Variants in EYS observed in about 807,000 individuals in gnomAD.
EYS encodes EGF-like photoreceptor maintenance factor, also known as protein eyes shut homolog.
A neutral mutation model predicts 282.1 loss-of-function variants in EYS; 250 were observed. The observed-to-expected ratio is 0.89, with a 90% CI of 0.80 to 0.98. The LOEUF is 0.98. Ranked by LOEUF, EYS falls within the 50% of genes least tolerant of loss-of-function variation. The pLI is 0.00. For synonymous variants in EYS, 1,355 were observed against 1,282.9 expected (o/e 1.06, Z -1.20); for missense variants, 4,016 against 3,709.0 (o/e 1.08, Z -2.15).
Position 63,931,349 on chromosome 6 carries a change from T to A in EYS, c.7055+53034A>T, listed in dbSNP as rs117700793. Among the ~76,000 whole-genome samples the A allele has an allele frequency of 1.7e-3, 259 of 152,336 alleles. 3 individuals are homozygous for A. In the East Asian group the frequency reaches 0.042, roughly 25 times the overall value. On this transcript the variant is annotated intron_variant, in intron 35 of 42. Transcript: ENST00000503581. The stretch of plus-strand genomic sequence containing the variant: ...CTCTGCATCATCCATCGTTGCTACC[T>A]ATAGCTTCTTCCTCAAGGTCCTTCC...
chr6:65,154,112 G>T (rs1439137036), intron 12 of EYS, among the ~76,000 whole-genome samples: 1 of 151,708 alleles, frequency 6.6e-6, no homozygotes, highest in Non-Finnish European at 1.5e-5. Flanking sequence ...GGAAAAGAGG[G>T]CTCAAGTCTT....
intron 12 of EYS, among the ~76,000 whole-genome samples, chr6:65,107,181 T>C (rs1276589684): frequency 1.3e-5 from 2 of 152,082 alleles, no homozygotes. Context: ...GGGAGTCTTT[T>C]TGGAGAAACA....
chr6:65,607,447 A>C (rs1336599764), intron 2 of EYS, among the ~76,000 whole-genome samples: 3 of 151,852 alleles, frequency 2.0e-5, no homozygotes, highest in African/African-American at 7.2e-5. Context: ...AATACAATTA[A>C]TAAGATTCCT....
At chr6:63,812,213 A>G (rs552509213) in intron 36 of EYS, among the ~76,000 whole-genome samples, 1 of 152,286 alleles carries the variant, frequency 6.6e-6, no homozygotes, top group East Asian at 1.9e-4. Flanking sequence ...TGCTGCAGCC[A>G]TGCTAACTTC....
chr6:65,192,183 A>G (rs1194443085), intron 12 of EYS, among the ~76,000 whole-genome samples: 1 of 151,792 alleles, frequency 6.6e-6, no homozygotes, highest in Middle Eastern at 3.2e-3. Context: ...ATTCTTAATC[A>G]TGATTTTTTA....
chr6:65,035,927 T>C (rs2150146391), intron 13 of EYS, among the ~76,000 whole-genome samples: 1 of 147,544 alleles, frequency 6.8e-6, no homozygotes, highest in East Asian at 2.0e-4. Flanking sequence ...TTATATATTA[T>C]ATATTACATA....
chr6:65,533,113 C>A (rs968672974), intron 2 of EYS, among the ~76,000 whole-genome samples: 2 of 151,712 alleles, frequency 1.3e-5, no homozygotes, highest in African/African-American at 4.8e-5. Flanking sequence ...TAATTTATTG[C>A]CATATTAAAT....
intron 26 of EYS, among the ~76,000 whole-genome samples, chr6:64,474,423 T>C (rs1364494785): frequency 2.0e-5 from 3 of 152,140 alleles, no homozygotes; most frequent in Non-Finnish European, 2.9e-5. Context: ...TCAACCTTTA[T>C]TTTTCTTTGT....
At chr6:65,452,735 T>G (rs1764451472) in intron 5 of EYS, among the ~76,000 whole-genome samples, 1 of 152,052 alleles carries the variant, frequency 6.6e-6, no homozygotes, top group African/African-American at 2.4e-5. Context: ...AGCAAGTATC[T>G]TACAGTCCAA....
chr6:64,144,000 C>T (rs2150289937), intron 31 of EYS, among the ~76,000 whole-genome samples: 1 of 152,242 alleles, frequency 6.6e-6, no homozygotes, highest in East Asian at 1.9e-4. Flanking sequence ...ACATCAAAAG[C>T]ATGAAAACAG....
intron 12 of EYS, among the ~76,000 whole-genome samples, chr6:65,086,408 T>A (rs1774376407): frequency 6.6e-6 from 1 of 152,200 alleles, no homozygotes; most frequent in Admixed American, 6.5e-5. Flanking sequence ...TACTGCTGCA[T>A]ATGTTTGGTC....
At chr6:64,724,824 C>A (rs190886062) in intron 22 of EYS, among the ~76,000 whole-genome samples, 325 of 152,092 alleles carry the variant, frequency 2.1e-3, no homozygotes, top group Admixed American at 4.5e-3. Context: ...TCTAATAATA[C>A]AAGTAATATA....
At chr6:65,204,882 G>GCA (rs1562021101) in intron 12 of EYS, among the ~76,000 whole-genome samples, 1 of 99,606 alleles carries the variant, frequency 1.0e-5, no homozygotes, top group African/African-American at 3.7e-5. Context: ...CTGGAAGAAC[G>GCA]TATTTATATA....
At position 63,720,905 on chromosome 6, in the gene EYS, A is replaced by G. The variant is rs1335503288; in HGVS notation, c.9126T>C (p.Asn3042=). The G allele has an allele frequency of 1.3e-6, 2 of 1,551,156 alleles. No individual in the cohort carries two copies. Among genetic ancestry groups the G allele is most frequent in the Admixed American group, 2.0e-5 (1 of 50,968 alleles). ...GAATTACAACTACATGGTGCCATTT[A>G]TTACAACAGAATGTGCCATTGTTAT... The part of the protein sequence containing the change: ...MSYNNGTFCC[N]KWHHVVVIQN... The change falls in exon 43 of 43, where the codon AAT becomes AAC. Residue 3042 remains asparagine (N), a synonymous_variant. Transcript: ENST00000503581.
At chr6:64,189,631 T>C (rs998586247) in intron 31 of EYS, among the ~76,000 whole-genome samples, 2 of 152,152 alleles carry the variant, frequency 1.3e-5, no homozygotes, top group African/African-American at 4.8e-5. Context: ...GAGATTATCC[T>C]CATTAATGTG....
chr6:65,651,032 TAGC>T (rs1767632357), intron 1 of EYS, among the ~76,000 whole-genome samples: 1 of 152,116 alleles, frequency 6.6e-6, no homozygotes, highest in African/African-American at 2.4e-5. Flanking sequence ...GATAACAAGG[TAGC>T]AGTTTTCAAC....
Position 63,721,716 on chromosome 6 carries a change from G to A in EYS, c.8315C>T (p.Thr2772Ile). The change falls in exon 43 of 43, where the codon ACT (threonine) becomes ATT (isoleucine). Residue 2772 changes from threonine to isoleucine, a missense_variant. Thr to Ile is a moderately conservative substitution (Grantham distance 89). Coordinates refer to ENST00000503581, the MANE Select transcript of EYS (RefSeq NM_001142800.2). ...TCCGTTTATAGTTACTTTTTGGAGA[G>A]TTTCTAGAATGATAGTTCTGTCGCC... The part of the protein sequence containing the change: ...NLGDRTIILE[T>I]LQKVTINGST... The A allele has an allele frequency of 6.4e-7, 1 of 1,551,170 alleles. No individual in the cohort carries two copies. Among genetic ancestry groups the A allele is most frequent in the African/African-American group, 1.4e-5 (1 of 73,124 alleles).
At chr6:64,947,484 T>C (rs1274391573) in intron 14 of EYS, among the ~76,000 whole-genome samples, 1 of 151,762 alleles carries the variant, frequency 6.6e-6, no homozygotes, top group East Asian at 1.9e-4. Context: ...TTGTGCTTTA[T>C]TCTTGACACA....
chr6:64,640,552 C>A (rs1401296232), intron 22 of EYS, among the ~76,000 whole-genome samples: 1 of 149,784 alleles, frequency 6.7e-6, no homozygotes, highest in Non-Finnish European at 1.5e-5. Context: ...GGGGTCATCA[C>A]ACTCTGGGGA....
Sources: gnomAD v4.1 joint callset for allele counts (sites outside exome capture counted in the v4.1 genomes callset) on GRCh38, gnomAD v4.1.1 for gene constraint, MANE v1.5 for transcripts, NCBI Gene and HGNC (gene_info 2026-07-23, HGNC 2026-07-21) for gene names.